Variants in ULK4 observed in about 807,000 individuals in gnomAD.
ULK4 encodes unc-51 like kinase 4.
ULK4 carries 133 observed loss-of-function variants against 160.6 expected under a neutral mutation model. That is an observed-to-expected ratio of 0.83 (90% CI 0.72 to 0.96). ULK4 has a LOEUF of 0.96. Ranked by LOEUF, ULK4 falls within the 40% of genes least tolerant of loss-of-function variation. ULK4 has a pLI of 0.00. For missense variants in ULK4, 1,580 were observed against 1,499.5 expected, an observed-to-expected ratio of 1.05 and a Z score of -0.89; for synonymous variants, 534 against 539.8, an observed-to-expected ratio of 0.99 and a Z score of 0.15.
intron 35 of ULK4, among the ~76,000 whole-genome samples, chr3:41,311,354 G>C (rs1392622317): frequency 6.6e-6 from 1 of 152,134 alleles, no homozygotes; most frequent in Non-Finnish European, 1.5e-5. Context: ...TACAAGCACA[G>C]CTAGAGTATA....
At chr3:41,787,492 A>T (rs1454586797) in intron 21 of ULK4, among the ~76,000 whole-genome samples, 1 of 152,122 alleles carries the variant, frequency 6.6e-6, no homozygotes, top group African/African-American at 2.4e-5. Flanking sequence ...TTCCATCCCA[A>T]CCCAGCAACA....
At chr3:41,420,243 A>C (rs1330571216) in intron 34 of ULK4, among the ~76,000 whole-genome samples, 1 of 151,922 alleles carries the variant, frequency 6.6e-6, no homozygotes, top group African/African-American at 2.4e-5. Flanking sequence ...TAATTACTTT[A>C]AATTTATATT....
chr3:41,460,618 T>C (rs1444093401), intron 33 of ULK4, among the ~76,000 whole-genome samples: 7 of 152,082 alleles, frequency 4.6e-5, no homozygotes, highest in Non-Finnish European at 8.8e-5. Flanking sequence ...TCAGTAAATA[T>C]GAACTGAGTG....
intron 20 of ULK4, among the ~76,000 whole-genome samples, chr3:41,797,933 A>C (rs1046068129): frequency 6.6e-6 from 1 of 151,962 alleles, no homozygotes; most frequent in African/African-American, 2.4e-5. Context: ...GAAAAGAGAA[A>C]AGAAAAGAAA....
At position 41,728,083 on chromosome 3, in the gene ULK4, C is replaced by T. The variant is rs771374451; in HGVS notation, c.2322-10222G>A. Among the ~76,000 whole-genome samples the T allele has an allele frequency of 5.3e-5, 8 of 152,178 alleles. 1 individual carries two copies. In the Middle Eastern group the frequency reaches 0.014, roughly 259 times the overall value. On this transcript the variant is annotated intron_variant, in intron 22 of 36. Coordinates refer to ENST00000301831, the MANE Select transcript of ULK4 (RefSeq NM_017886.4). ...AAATCTTTATCAGACATTAACGTTT[C>T]GGTAGCACATGGAGAGTTGGTATGT...
chr3:41,424,124 T>A lies in ULK4; in HGVS notation c.3493-25860A>T, dbSNP rs565017891. ...GCCAGTGCTGGAGATACTAGATGGT[T>A]TGGATCCAGGAGGAATTCTTCACAG... On this transcript the variant is annotated intron_variant, in intron 34 of 36. Coordinates refer to ENST00000301831, the MANE Select transcript of ULK4 (RefSeq NM_017886.4). 2.0e-5 allele frequency among the ~76,000 whole-genome samples: 3 copies of A among 151,754 alleles called. No homozygotes were observed. The South Asian group carries it at 6.3e-4, about 32-fold the overall frequency.
chr3:41,500,544 G>C (rs994124317), intron 32 of ULK4, among the ~76,000 whole-genome samples: 4 of 152,094 alleles, frequency 2.6e-5, no homozygotes, highest in Admixed American at 1.3e-4. Context: ...GCAGTGGAGT[G>C]GGAGTCCTCA....
intron 35 of ULK4, among the ~76,000 whole-genome samples, chr3:41,382,553 A>C (rs1426332486): frequency 6.6e-6 from 1 of 152,224 alleles, no homozygotes; most frequent in Non-Finnish European, 1.5e-5. Context: ...TAGTTTTCTA[A>C]TATCACTTAT....
intron 5 of ULK4, among the ~76,000 whole-genome samples, chr3:41,923,030 C>G (rs1398728661): frequency 6.6e-6 from 1 of 150,600 alleles, no homozygotes; most frequent in African/African-American, 2.5e-5. Context: ...AAAAATTAGT[C>G]AGGCATGGTG....
chr3:41,713,070 A>G (rs1372214250), intron 25 of ULK4, among the ~76,000 whole-genome samples: 12 of 151,076 alleles, frequency 7.9e-5, no homozygotes, highest in Admixed American at 6.6e-5. Flanking sequence ...CATCCCCACC[A>G]CTACCACCAA....
intron 2 of ULK4, among the ~76,000 whole-genome samples, chr3:41,949,849 G>C (rs1217617688): frequency 6.6e-6 from 1 of 151,224 alleles, no homozygotes; most frequent in East Asian, 2.0e-4. Context: ...CAATCCTCCT[G>C]TCTCAACCTC....
intron 17 of ULK4, among the ~76,000 whole-genome samples, chr3:41,879,946 A>C (rs1697449663): frequency 6.6e-6 from 1 of 151,950 alleles, no homozygotes; most frequent in South Asian, 2.1e-4. Context: ...GTGAAACCCC[A>C]TCTCTACTAA....
intron 32 of ULK4, among the ~76,000 whole-genome samples, chr3:41,467,267 C>T (rs564873415): frequency 6.6e-6 from 1 of 152,200 alleles, no homozygotes; most frequent in Non-Finnish European, 1.5e-5. Flanking sequence ...GTGGCTCACA[C>T]CTGTAATTCC....
chr3:41,541,573 T>G (rs1298458165), intron 32 of ULK4, among the ~76,000 whole-genome samples: 1 of 152,194 alleles, frequency 6.6e-6, no homozygotes, highest in Non-Finnish European at 1.5e-5. Flanking sequence ...AAAAAGTCAA[T>G]GGTAGCTTGA....
intron 32 of ULK4, among the ~76,000 whole-genome samples, chr3:41,541,248 C>G (rs2125953251): frequency 6.6e-6 from 1 of 152,244 alleles, no homozygotes; most frequent in African/African-American, 2.4e-5. Flanking sequence ...CTGCATATGG[C>G]CAGCCAGTTT....
intron 35 of ULK4, among the ~76,000 whole-genome samples, chr3:41,254,021 G>A (rs901687241): frequency 2.6e-5 from 4 of 152,054 alleles, no homozygotes; most frequent in Admixed American, 6.6e-5. Context: ...AACTGAAAAG[G>A]AAAACAGATA....
intron 4 of ULK4, among the ~76,000 whole-genome samples, chr3:41,932,367 T>C (rs902600138): frequency 6.6e-6 from 1 of 152,202 alleles, no homozygotes; most frequent in Non-Finnish European, 1.5e-5. Context: ...GAGGTGTTGT[T>C]TATTCAAGTG....
rs1332440216 is a variant in ULK4 at position 41,905,299 on chromosome 3, C to CT, written c.1182+2545_1182+2546insA. Reference sequence around the variant, plus strand: ...TCGATGCAAAACAATGAAGCTATACCCCCTACTTCATGCCACATGCAAAAA... The same window carrying CT: ...TCGATGCAAAACAATGAAGCTATACCTCCCTACTTCATGCCACATGCAAAAA... On this transcript the variant is annotated intron_variant, in intron 12 of 36. Transcript: ENST00000301831. 5.9e-5 allele frequency among the ~76,000 whole-genome samples: 9 copies of CT among 151,544 alleles called. No individual in the cohort carries two copies. The South Asian group carries it at 1.7e-3, about 28-fold the overall frequency.
intron 31 of ULK4, among the ~76,000 whole-genome samples, chr3:41,613,054 A>G (rs2032761546): frequency 6.6e-6 from 1 of 152,232 alleles, no homozygotes; most frequent in Non-Finnish European, 1.5e-5. Flanking sequence ...AGGCATAAGT[A>G]GCAGCCGAGC....
Sources: allele counts gnomAD v4.1 joint callset (sites outside exome capture counted in the v4.1 genomes callset), GRCh38; gene constraint gnomAD v4.1.1; transcripts MANE v1.5; gene names NCBI Gene and HGNC (gene_info 2026-07-23, HGNC 2026-07-21).